FAM193A: variants seen among roughly 807,000 people sequenced by gnomAD.
The protein encoded by FAM193A is protein FAM193A.
In FAM193A, 22 loss-of-function variants were observed where a neutral mutation model predicts 126.5. The ratio of observed to expected loss-of-function variants is 0.17; its 90% CI spans 0.12 to 0.25. The LOEUF (loss-of-function observed/expected upper bound fraction) is 0.25, where lower values mean the gene tolerates loss of function less well. Ranked by LOEUF, FAM193A falls within the 10% of genes least tolerant of loss-of-function variation. The pLI is 1.00. For missense variants in FAM193A, 1,675 were observed against 1,672.8 expected (o/e 1.00, Z -0.02); for synonymous variants, 761 against 646.8 (o/e 1.18, Z -2.68).
chr4:2,667,614 A>G, intron 12 of FAM193A, among the ~76,000 whole-genome samples: 1 of 152,010 alleles, frequency 6.6e-6, no homozygotes, highest in Non-Finnish European at 1.5e-5. Context: ...TAGCCACTCC[A>G]CCTTCTTGGG....
chr4:2,542,521 C>G (rs936079565), intron 1 of FAM193A, among the ~76,000 whole-genome samples: 5 of 152,170 alleles, frequency 3.3e-5, no homozygotes, highest in Non-Finnish European at 7.3e-5. Flanking sequence ...ATTAAAGAAA[C>G]TCTTTATGGT....
At chr4:2,559,301 C>T (rs902866574) in intron 1 of FAM193A, among the ~76,000 whole-genome samples, 3 of 152,138 alleles carry the variant, frequency 2.0e-5, no homozygotes, top group Non-Finnish European at 2.9e-5. Context: ...AACTGAGGCC[C>T]GAAGACTTGA....
chr4:2,710,999 C>T (rs34312307), intron 19 of FAM193A, among the ~76,000 whole-genome samples: 1,646 of 151,502 alleles, frequency 0.011, 14 homozygotes, highest in Middle Eastern at 0.021. Flanking sequence ...CTACAGGCGC[C>T]CACCACCTCG....
chr4:2,691,046 A>G lies in FAM193A; in HGVS notation c.2803+76A>G, dbSNP rs977843097. Reference sequence around the variant, plus strand: ...TACTGACTTCTCGTCTTTGTAACTCATCTTTGTAACTGCCTTTTACTTGGC... The same window carrying G: ...TACTGACTTCTCGTCTTTGTAACTCGTCTTTGTAACTGCCTTTTACTTGGC... On this transcript the variant is annotated intron_variant, in intron 15 of 20. Coordinates refer to ENST00000637812, the MANE Select transcript of FAM193A (RefSeq NM_001366318.2). 53 of 1,391,038 alleles carry G rather than the reference A, an allele frequency of 3.8e-5. No homozygotes were observed. The African/African-American group carries it at 5.6e-4, about 15-fold the overall frequency. The allele number at this position is 1,391,038 out of a possible 1,614,324, so 86.2% of individuals were successfully genotyped here.
intron 7 of FAM193A, among the ~76,000 whole-genome samples, chr4:2,655,971 C>T (rs1468447627): frequency 2.0e-5 from 3 of 151,968 alleles, no homozygotes; most frequent in East Asian, 3.9e-4. Flanking sequence ...TTTTTTGTAG[C>T]GGTGGGGGTC....
chr4:2,721,453 A>G (rs946800853), intron 20 of FAM193A, among the ~76,000 whole-genome samples: 2 of 151,624 alleles, frequency 1.3e-5, no homozygotes, highest in Non-Finnish European at 2.9e-5. Flanking sequence ...ACGCCACCTC[A>G]CTCCAGCCTA....
chr4:2,553,449 C>T (rs1217434855), intron 1 of FAM193A, among the ~76,000 whole-genome samples: 2 of 139,002 alleles, frequency 1.4e-5, no homozygotes, highest in Admixed American at 1.5e-4. Flanking sequence ...GGTGCGATTT[C>T]GGCTCACCGC....
intron 1 of FAM193A, among the ~76,000 whole-genome samples, chr4:2,574,551 A>G (rs1440112041): frequency 6.6e-6 from 1 of 152,170 alleles, no homozygotes; most frequent in Non-Finnish European, 1.5e-5. Flanking sequence ...ATTGACGGTC[A>G]TGGATGTGGT....
At chr4:2,646,957 G>A (rs554826298) in intron 7 of FAM193A, 125 bp downstream of exon 7, 14 of 1,049,812 alleles carry the variant, frequency 1.3e-5, no homozygotes, top group South Asian at 1.2e-4. Context: ...GCCCAGAGGC[G>A]CATGTGGGTA....
At chr4:2,552,983 G>T (rs977701843) in intron 1 of FAM193A, among the ~76,000 whole-genome samples, 3 of 151,722 alleles carry the variant, frequency 2.0e-5, no homozygotes, top group African/African-American at 7.3e-5. Flanking sequence ...AAGTAGCTGG[G>T]ATTACAGGCG....
At chr4:2,692,925 C>T (rs1166870295) in intron 15 of FAM193A, among the ~76,000 whole-genome samples, 2 of 152,022 alleles carry the variant, frequency 1.3e-5, no homozygotes, top group South Asian at 4.1e-4. Context: ...GTAAAAAGCT[C>T]GGTACAGTGG....
intron 15 of FAM193A, among the ~76,000 whole-genome samples, chr4:2,692,653 C>A (rs1716531308): frequency 6.6e-6 from 1 of 152,136 alleles, no homozygotes; most frequent in Non-Finnish European, 1.5e-5. Context: ...AATTGGCAGA[C>A]AGGTAGCCTA....
At chr4:2,560,139 C>T (rs1007481596) in intron 1 of FAM193A, among the ~76,000 whole-genome samples, 1 of 152,030 alleles carries the variant, frequency 6.6e-6, no homozygotes, top group Non-Finnish European at 1.5e-5. Context: ...GATGGGGTTT[C>T]GCCATGCTGG....
intron 3 of FAM193A, 31 bp downstream of exon 3, chr4:2,625,426 C>G (rs1219474870): frequency 1.5e-6 from 1 of 684,488 alleles, no homozygotes. Context: ...GTTGCTCACA[C>G]CTGTCCACAA....
At chr4:2,591,551 T>C (rs1740573789) in intron 1 of FAM193A, among the ~76,000 whole-genome samples, 1 of 152,160 alleles carries the variant, frequency 6.6e-6, no homozygotes, top group South Asian at 2.1e-4. Flanking sequence ...TTAGCCTTCA[T>C]AGGGCGGTCT....
intron 1 of FAM193A, among the ~76,000 whole-genome samples, chr4:2,579,372 G>A (rs1350989647): frequency 1.3e-5 from 2 of 151,446 alleles, no homozygotes; most frequent in African/African-American, 2.4e-5. Context: ...GGTGGTACGC[G>A]CCTGTAATCC....
chr4:2,676,307 A>G (rs1714396980), intron 13 of FAM193A, among the ~76,000 whole-genome samples: 2 of 152,166 alleles, frequency 1.3e-5, no homozygotes, highest in Admixed American at 1.3e-4. Context: ...TTGCTTTTTT[A>G]ATAGTAACCA....
chr4:2,598,248 T>C lies in FAM193A; in HGVS notation c.501+1919T>C, dbSNP rs543793609. ...TTTTCCAGAGTGTCACATATACTTC[T>C]GTAACTTGCATAATGCTTTTGAGAG... On this transcript the variant is annotated intron_variant, in intron 2 of 20. Transcript: ENST00000637812. 5.9e-4 allele frequency among the ~76,000 whole-genome samples: 90 copies of C among 152,362 alleles called. 1 individual carries two copies. Among genetic ancestry groups the C allele is most frequent in the Non-Finnish European group, 1.6e-4 (11 of 68,034 alleles).
intron 7 of FAM193A, among the ~76,000 whole-genome samples, chr4:2,653,394 T>A (rs906796681): frequency 6.6e-6 from 1 of 152,198 alleles, no homozygotes; most frequent in Non-Finnish European, 1.5e-5. Flanking sequence ...ACATTGCTTT[T>A]ACAAAGAGAA....
Sources: gnomAD v4.1 joint callset for allele counts (sites outside exome capture counted in the v4.1 genomes callset) on GRCh38, gnomAD v4.1.1 for gene constraint, MANE v1.5 for transcripts, NCBI Gene and HGNC (gene_info 2026-07-23, HGNC 2026-07-21) for gene names.